KAZN: variants seen among roughly 807,000 people sequenced by gnomAD.
KAZN encodes the protein kazrin, periplakin interacting protein.
Under a neutral mutation model 87.4 loss-of-function variants are expected in KAZN, and 40 were observed. That is an observed-to-expected ratio of 0.46 (90% CI 0.36 to 0.60). The LOEUF is 0.60. KAZN is among the 20% of genes least tolerant of loss of function. The pLI is 0.00. For missense variants in KAZN, 898 were observed against 1,073.9 expected, an observed-to-expected ratio of 0.84 and a Z score of 2.29; for synonymous variants, 466 against 458.3, an observed-to-expected ratio of 1.02 and a Z score of -0.22.
At chr1:14,979,408 C>G (rs972177834) in intron 2 of KAZN, among the ~76,000 whole-genome samples, 2 of 151,280 alleles carry the variant, frequency 1.3e-5, no homozygotes, top group African/African-American at 2.4e-5. Flanking sequence ...GACTTCCTCT[C>G]AAAAAAAATA....
intron 1 of KAZN, among the ~76,000 whole-genome samples, chr1:13,950,506 T>A (rs1368211569): frequency 1.3e-5 from 2 of 152,244 alleles, no homozygotes; most frequent in Non-Finnish European, 2.9e-5. Context: ...ATGAGTTGTC[T>A]GAGTTATCTA....
intron 1 of KAZN, among the ~76,000 whole-genome samples, chr1:14,700,128 A>G (rs1200047544): frequency 6.6e-6 from 1 of 152,206 alleles, no homozygotes; most frequent in Non-Finnish European, 1.5e-5. Flanking sequence ...GGAAGGACTT[A>G]TGGTCAAGAA....
chr1:14,549,215 G>A (rs958877689), intron 2 of KAZN, among the ~76,000 whole-genome samples: 1 of 151,922 alleles, frequency 6.6e-6, no homozygotes, highest in African/African-American at 2.4e-5. Flanking sequence ...TTGCACCTTG[G>A]GTCTGACAAC....
At chr1:14,932,419 G>A (rs1337775858) in intron 1 of KAZN, among the ~76,000 whole-genome samples, 1 of 152,204 alleles carries the variant, frequency 6.6e-6, no homozygotes, top group Non-Finnish European at 1.5e-5. Flanking sequence ...TACCCTTTGG[G>A]GAGGGAAGCC....
chr1:14,506,041 C>T (rs996582384), intron 2 of KAZN, among the ~76,000 whole-genome samples: 3 of 152,074 alleles, frequency 2.0e-5, no homozygotes, highest in Admixed American at 6.6e-5. Flanking sequence ...CTTCATGTCA[C>T]TAAACTGTGC....
intron 2 of KAZN, among the ~76,000 whole-genome samples, chr1:14,405,939 G>C (rs1485954337): frequency 6.6e-6 from 1 of 152,110 alleles, no homozygotes; most frequent in South Asian, 2.1e-4. Context: ...AGGGCAGTCT[G>C]CTATCCTCAG....
At chr1:14,355,408 T>G (rs1418043918) in intron 2 of KAZN, among the ~76,000 whole-genome samples, 1 of 83,856 alleles carries the variant, frequency 1.2e-5, no homozygotes, top group Non-Finnish European at 3.0e-5. Flanking sequence ...ACATATTTAT[T>G]TATTTATTTA....
intron 2 of KAZN, among the ~76,000 whole-genome samples, chr1:14,403,032 G>A (rs1663544541): frequency 6.6e-6 from 1 of 152,044 alleles, no homozygotes. Flanking sequence ...TCGCCACATT[G>A]GTCAGGCTGG....
rs12081909 is a variant in KAZN, at chr1:14,303,446, G to A, written c.249+122854G>A. ...TTTTTAGAAGAGACTGGGTTTCACC[G>A]TGTTAACCAGGACAGTCTCAATCTC... On this transcript the variant is annotated intron_variant, in intron 2 of 16. Coordinates refer to the KAZN transcript ENST00000636203. 2.1e-3 allele frequency among the ~76,000 whole-genome samples: 319 copies of A among 152,220 alleles called. 1 individual carries two copies. Among genetic ancestry groups the A allele is most frequent in the African/African-American group, 7.3e-3 (302 of 41,548 alleles).
At chr1:14,827,949 C>T (rs1234233541) in intron 1 of KAZN, among the ~76,000 whole-genome samples, 1 of 152,296 alleles carries the variant, frequency 6.6e-6, no homozygotes, top group Non-Finnish European at 1.5e-5. Context: ...TGGCTGTGGC[C>T]CTTCCTGTCA....
At chr1:14,057,603 G>A (rs1642628817) in intron 1 of KAZN, among the ~76,000 whole-genome samples, 1 of 152,200 alleles carries the variant, frequency 6.6e-6, no homozygotes, top group Non-Finnish European at 1.5e-5. Context: ...GAGGATGCAT[G>A]CAATGCCTAA....
intron 2 of KAZN, among the ~76,000 whole-genome samples, chr1:14,388,985 C>T (rs953096728): frequency 9.9e-5 from 15 of 152,002 alleles, no homozygotes; most frequent in Non-Finnish European, 2.1e-4. Flanking sequence ...ATATAAGGCA[C>T]TCAAACAACT....
chr1:14,295,756 A>G (rs1654065085), intron 2 of KAZN, among the ~76,000 whole-genome samples: 2 of 152,148 alleles, frequency 1.3e-5, no homozygotes, highest in East Asian at 3.9e-4. Context: ...TTTCTCAGGG[A>G]TTCCTTCCTG....
At chr1:14,747,581 G>A (rs1252229251) in intron 1 of KAZN, among the ~76,000 whole-genome samples, 2 of 152,182 alleles carry the variant, frequency 1.3e-5, no homozygotes, top group Middle Eastern at 3.2e-3. Context: ...CACCTGGCCC[G>A]TATCACATTT....
intron 1 of KAZN, among the ~76,000 whole-genome samples, chr1:14,077,442 A>G (rs1327438673): frequency 2.0e-5 from 3 of 152,140 alleles, no homozygotes; most frequent in Admixed American, 6.5e-5. Context: ...TACTCAAAAG[A>G]TCTTTCTTCA....
intron 2 of KAZN, among the ~76,000 whole-genome samples, chr1:14,344,535 C>G (rs1216874684): frequency 6.6e-6 from 1 of 151,986 alleles, no homozygotes; most frequent in East Asian, 1.9e-4. Flanking sequence ...AATAAAAACT[C>G]CTATTTTTAT....
intron 14 of KAZN, 51 bp downstream of exon 14, chr1:15,112,592 C>A: frequency 8.1e-7 from 1 of 1,234,734 alleles, no homozygotes; most frequent in Non-Finnish European, 1.2e-6. Context: ...CGGGAAAGGT[C>A]TTTTTTTCTC....
At chr1:14,221,826 C>T (rs1258605916) in intron 2 of KAZN, 2 of 152,062 alleles carry the variant, frequency 1.3e-5, no homozygotes, top group South Asian at 2.1e-4. Context: ...GCCCATGTCC[C>T]CTTAAATCTG....
intron 1 of KAZN, among the ~76,000 whole-genome samples, chr1:14,937,921 AG>A (rs1660636818): frequency 6.6e-6 from 1 of 152,232 alleles, no homozygotes; most frequent in Admixed American, 6.5e-5. Context: ...TGCATGGCCC[AG>A]GAAGGTAGGA....
Sources: gnomAD v4.1 joint callset for allele counts (sites outside exome capture counted in the v4.1 genomes callset) on GRCh38, gnomAD v4.1.1 for gene constraint, MANE v1.5 for transcripts, NCBI Gene and HGNC (gene_info 2026-07-23, HGNC 2026-07-21) for gene names.